Variants in STIM1 observed in about 807,000 individuals in gnomAD.
The protein encoded by STIM1 is stromal interaction molecule 1.
Under a neutral mutation model 74.7 loss-of-function variants are expected in STIM1, and 25 were observed. That is an observed-to-expected ratio of 0.33 (90% CI 0.24 to 0.47). STIM1 has a LOEUF of 0.47. Ranked by LOEUF, STIM1 falls within the 20% of genes least tolerant of loss-of-function variation. The pLI is 1.00. For missense variants in STIM1, 728 were observed against 920.8 expected (o/e 0.79, Z 2.71); for synonymous variants, 328 against 348.8 (o/e 0.94, Z 0.66).
At chr11:3,946,905 G>T (rs1186980280) in intron 1 of STIM1, among the ~76,000 whole-genome samples, 1 of 152,140 alleles carries the variant, frequency 6.6e-6, no homozygotes, top group African/African-American at 2.4e-5. Context: ...CTGTGTCTCA[G>T]GCTGTCATCA....
chr11:4,001,015 G>A (rs1418032243), intron 2 of STIM1, among the ~76,000 whole-genome samples: 11 of 152,180 alleles, frequency 7.2e-5, no homozygotes, highest in Non-Finnish European at 1.5e-4. Context: ...ATGAAATGAA[G>A]CGAGAAGGGA....
At chr11:3,985,714 T>A (rs2093552320) in intron 2 of STIM1, among the ~76,000 whole-genome samples, 1 of 152,328 alleles carries the variant, frequency 6.6e-6, no homozygotes, top group South Asian at 2.1e-4. Context: ...CTTCAGAAAT[T>A]AAAAACTTCT....
intron 1 of STIM1, among the ~76,000 whole-genome samples, chr11:3,927,009 G>A (rs2092797057): frequency 6.6e-6 from 1 of 152,090 alleles, no homozygotes; most frequent in African/African-American, 2.4e-5. Flanking sequence ...TGTTAAATAG[G>A]GAGAATGGCA....
chr11:4,011,372 C>G (rs1440752162), intron 2 of STIM1, among the ~76,000 whole-genome samples: 1 of 152,202 alleles, frequency 6.6e-6, no homozygotes, highest in Non-Finnish European at 1.5e-5. Flanking sequence ...ACATCCTTTC[C>G]AGCATCTGTT....
intron 5 of STIM1, among the ~76,000 whole-genome samples, chr11:4,065,027 A>G (rs1027171598): frequency 6.6e-6 from 1 of 152,164 alleles, no homozygotes; most frequent in African/African-American, 2.4e-5. Context: ...ACACATTTCT[A>G]AGGTTCTCTG....
intron 1 of STIM1, among the ~76,000 whole-genome samples, chr11:3,911,512 G>A (rs2092561410): frequency 6.6e-6 from 1 of 152,056 alleles, no homozygotes. Context: ...ACCCTCTTGA[G>A]TAGCTCGGAC....
At chr11:4,084,799 C>T (rs758531312) in intron 11 of STIM1, 34 bp downstream of exon 11, 8 of 1,287,428 alleles carry the variant, frequency 6.2e-6, no homozygotes, top group Non-Finnish European at 8.1e-6. Context: ...TTTTGTTTTT[C>T]TGACTTTCGG....
chr11:4,005,761 A>G (rs1332415396), intron 2 of STIM1, among the ~76,000 whole-genome samples: 1 of 151,914 alleles, frequency 6.6e-6, no homozygotes, highest in South Asian at 2.1e-4. Context: ...TCTAGTGTCT[A>G]ATATGGTAGA....
chr11:4,031,095 A>G (rs955762616), intron 3 of STIM1, among the ~76,000 whole-genome samples: 2 of 152,216 alleles, frequency 1.3e-5, no homozygotes, highest in African/African-American at 4.8e-5. Flanking sequence ...GCTTTCTGCC[A>G]TAGATTAGTT....
intron 3 of STIM1, among the ~76,000 whole-genome samples, chr11:4,030,441 A>G (rs2094040361): frequency 6.6e-6 from 1 of 152,192 alleles, no homozygotes; most frequent in African/African-American, 2.4e-5. Flanking sequence ...AACCATTTCA[A>G]AAGTCAGATC....
At chr11:4,042,386 T>TTTA (rs2094155020) in intron 3 of STIM1, among the ~76,000 whole-genome samples, 1 of 152,240 alleles carries the variant, frequency 6.6e-6, no homozygotes, top group Admixed American at 6.5e-5. Flanking sequence ...TTAATTGTTC[T>TTTA]TTATTATACT....
At chr11:4,003,879 C>G (rs1321219985) in intron 2 of STIM1, among the ~76,000 whole-genome samples, 3 of 152,158 alleles carry the variant, frequency 2.0e-5, no homozygotes, top group Non-Finnish European at 4.4e-5. Context: ...TGATAAGCAA[C>G]TTCAGCAAAG....
intron 1 of STIM1, chr11:3,892,275 A>T: frequency 1.5e-6 from 1 of 677,222 alleles, no homozygotes. Flanking sequence ...GCCCAAAGGG[A>T]ACTGCAGCAA....
At chr11:3,963,789 G>A (rs577292712) in intron 1 of STIM1, among the ~76,000 whole-genome samples, 38 of 152,284 alleles carry the variant, frequency 2.5e-4, no homozygotes, top group African/African-American at 8.9e-4. Context: ...AAATGTTGTG[G>A]GAGTACAGGC....
chr11:4,020,615 G>GTTTTTTTTTTTGAGACAGGT (rs2093946643), intron 2 of STIM1, among the ~76,000 whole-genome samples: 1 of 151,470 alleles, frequency 6.6e-6, no homozygotes, highest in Non-Finnish European at 1.5e-5. Flanking sequence ...CTGAGACAAG[G>GTTTTTTTTTTTGAGACAGGT]TCTCGCTCTG....
At chr11:4,046,846 G>A (rs146165115) in intron 3 of STIM1, among the ~76,000 whole-genome samples, 113 of 152,156 alleles carry the variant, frequency 7.4e-4, no homozygotes, top group African/African-American at 2.6e-3. Flanking sequence ...TAGAGTTGGA[G>A]TCTGCTGTGT....
chr11:3,944,700 A>C (rs544311513), intron 1 of STIM1, among the ~76,000 whole-genome samples: 1 of 152,202 alleles, frequency 6.6e-6, no homozygotes, highest in Non-Finnish European at 1.5e-5. Flanking sequence ...GGGATCAGGA[A>C]TCTCTGCTCT....
At chr11:3,936,923 T>C (rs190447127) in intron 1 of STIM1, among the ~76,000 whole-genome samples, 1 of 152,302 alleles carries the variant, frequency 6.6e-6, no homozygotes, top group East Asian at 1.9e-4. Context: ...TAGAGTATTT[T>C]GGAAAAATTA....
intron 11 of STIM1, among the ~76,000 whole-genome samples, 156 bp downstream of exon 11, chr11:4,084,921 G>A (rs1410549165): frequency 1.3e-5 from 2 of 152,104 alleles, no homozygotes; most frequent in South Asian, 2.1e-4. Context: ...GAGGGGTTCG[G>A]GGGTGAGAAG....
Sources: gnomAD v4.1 joint callset for allele counts (sites outside exome capture counted in the v4.1 genomes callset) on GRCh38, gnomAD v4.1.1 for gene constraint, MANE v1.5 for transcripts, NCBI Gene and HGNC (gene_info 2026-07-23, HGNC 2026-07-21) for gene names.